The following ROBO2 variants were observed in gnomAD, a reference collection of about 807,000 sequenced individuals.
ROBO2 encodes roundabout guidance receptor 2, also known as roundabout homolog 2.
ROBO2 carries 53 observed loss-of-function variants against 160.8 expected under a neutral mutation model. The ratio of observed to expected loss-of-function variants is 0.33; its 90% CI spans 0.26 to 0.41. The LOEUF (loss-of-function observed/expected upper bound fraction) is 0.41. Among genes scored for constraint, ROBO2 ranks in the 10% least tolerant of loss-of-function variants. ROBO2 has a pLI of 1.00. For synonymous variants in ROBO2, 664 were observed against 611.7 expected (o/e 1.09, Z -1.26); for missense variants, 1,577 against 1,722.4 (o/e 0.92, Z 1.49).
intron 2 of ROBO2, among the ~76,000 whole-genome samples, chr3:77,310,456 T>G (rs2063450801): frequency 6.6e-6 from 1 of 152,170 alleles, no homozygotes; most frequent in African/African-American, 2.4e-5. Context: ...ATGGATCTAA[T>G]TCTGTTTGGA....
At chr3:77,095,632 T>G (rs1312070666) in intron 1 of ROBO2, among the ~76,000 whole-genome samples, 1 of 152,192 alleles carries the variant, frequency 6.6e-6, no homozygotes, top group East Asian at 1.9e-4. Context: ...GCCTGTTACA[T>G]GAAAAGTGAC....
At chr3:76,398,335 G>C (rs1370878021) in intron 2 of ROBO2, among the ~76,000 whole-genome samples, 2 of 149,882 alleles carry the variant, frequency 1.3e-5, no homozygotes, top group South Asian at 2.1e-4. Flanking sequence ...TGGGGTGGGG[G>C]GAGGAGGGAG....
chr3:77,370,290 T>C (rs4234495), intron 2 of ROBO2, among the ~76,000 whole-genome samples: 125,338 of 152,130 alleles, frequency 0.82, 51,866 homozygotes, highest in East Asian at 1. Context: ...CTACATTGCT[T>C]GAAACGGAAT....
chr3:77,291,075 C>A (rs570981384), intron 2 of ROBO2, among the ~76,000 whole-genome samples: 1 of 149,576 alleles, frequency 6.7e-6, no homozygotes, highest in African/African-American at 2.5e-5. Flanking sequence ...TCACCCCAGA[C>A]GTAAAGTAAA....
At chr3:76,900,944 T>C (rs1044711591) in intron 2 of ROBO2, among the ~76,000 whole-genome samples, 4 of 152,212 alleles carry the variant, frequency 2.6e-5, no homozygotes, top group African/African-American at 9.6e-5. Flanking sequence ...CACAATCTTG[T>C]GTTGTTTAGG....
At chr3:76,003,793 G>A (rs985398861) in intron 2 of ROBO2, among the ~76,000 whole-genome samples, 1 of 152,192 alleles carries the variant, frequency 6.6e-6, no homozygotes, top group African/African-American at 2.4e-5. Flanking sequence ...CACGGAGAAC[G>A]TGGAACCACT....
intron 2 of ROBO2, among the ~76,000 whole-genome samples, chr3:76,613,082 T>C (rs544645625): frequency 1.2e-4 from 18 of 152,190 alleles, no homozygotes; most frequent in Non-Finnish European, 2.2e-4. Context: ...CTTTTGATTC[T>C]AGAATTTAGT....
chr3:77,607,885 C>G, exon 21 of ROBO2: 1 of 1,613,886 alleles, frequency 6.2e-7, no homozygotes, highest in Non-Finnish European at 8.5e-7. Flanking sequence ...GTCCCTCTAC[C>G]TCCCCCCCCA....
intron 2 of ROBO2, among the ~76,000 whole-genome samples, chr3:77,341,246 C>A (rs147848486): frequency 6.6e-6 from 1 of 152,106 alleles, no homozygotes; most frequent in Non-Finnish European, 1.5e-5. Context: ...GTTAATTCCC[C>A]GAACCTCTTA....
At chr3:76,394,796 C>A (rs2077341777) in intron 2 of ROBO2, among the ~76,000 whole-genome samples, 1 of 152,050 alleles carries the variant, frequency 6.6e-6, no homozygotes, top group African/African-American at 2.4e-5. Flanking sequence ...TATATATGCA[C>A]CCAATACAGG....
chr3:77,176,867 C>T (rs1266589234), intron 2 of ROBO2, among the ~76,000 whole-genome samples: 1 of 151,800 alleles, frequency 6.6e-6, no homozygotes, highest in Admixed American at 6.6e-5. Context: ...AATACTGAGA[C>T]TGAACAAAGC....
intron 2 of ROBO2, among the ~76,000 whole-genome samples, chr3:77,128,533 A>G (rs1459039558): frequency 3.9e-5 from 6 of 152,120 alleles, no homozygotes; most frequent in Non-Finnish European, 8.8e-5. Context: ...AATTTTTTGC[A>G]CGTTTTTGTG....
In ROBO2 at chr3:76,603,240, G is replaced by A. The variant is rs545171714; in HGVS notation, c.110-494774G>A. The stretch of plus-strand genomic sequence containing the variant: ...CCAGCTACTCAGGAGGCTGAGGCAG[G>A]AGAATGGCGTGAACCCGGGAGGCAG... On this transcript the variant is annotated intron_variant, in intron 2 of 26. Coordinates refer to the ROBO2 transcript ENST00000487694. Among the ~76,000 whole-genome samples, 13 of 149,746 alleles carry A rather than the reference G, an allele frequency of 8.7e-5. 2 individuals carry two copies. The South Asian group carries it at 1.5e-3, about 17-fold the overall frequency.
intron 2 of ROBO2, among the ~76,000 whole-genome samples, chr3:76,307,132 G>C (rs1274286514): frequency 6.6e-6 from 1 of 152,188 alleles, no homozygotes; most frequent in Non-Finnish European, 1.5e-5. Context: ...GGCAGTTCCT[G>C]GAAGGGGACA....
intron 5 of ROBO2, among the ~76,000 whole-genome samples, chr3:77,513,890 T>C (rs1182367886): frequency 1.3e-5 from 2 of 151,664 alleles, no homozygotes; most frequent in Non-Finnish European, 2.9e-5. Flanking sequence ...AAATAAGGTA[T>C]CTCTATGGTG....
At chr3:76,764,037 C>T (rs1560519963) in intron 2 of ROBO2, among the ~76,000 whole-genome samples, 2 of 151,706 alleles carry the variant, frequency 1.3e-5, no homozygotes, top group East Asian at 2.0e-4. Context: ...AAAGAATCTT[C>T]GTTTTATACT....
In ROBO2 at chr3:77,183,733, A is replaced by G. The variant is rs1208759477; in HGVS notation, c.388+85393A>G. On this transcript the variant is annotated intron_variant, in intron 2 of 25. Coordinates refer to ENST00000461745, the Ensembl canonical transcript of ROBO2. The stretch of plus-strand genomic sequence containing the variant: ...TATTGTTTGTGTATTTCATCAGTTC[A>G]TTAGCATTGATGTTTTGTTCCAACT... Among the ~76,000 whole-genome samples the G allele has an allele frequency of 3.3e-5, 5 of 152,058 alleles. No homozygotes were observed. The South Asian group carries it at 6.2e-4, about 19-fold the overall frequency.
intron 2 of ROBO2, among the ~76,000 whole-genome samples, chr3:77,023,362 T>C (rs1027188234): frequency 6.6e-6 from 1 of 152,190 alleles, no homozygotes; most frequent in Non-Finnish European, 1.5e-5. Flanking sequence ...TATGTTTTTA[T>C]CAGCAGCATG....
chr3:76,264,319 G>C (rs1156543930), intron 2 of ROBO2, among the ~76,000 whole-genome samples: 1 of 136,112 alleles, frequency 7.3e-6, no homozygotes, highest in Non-Finnish European at 1.6e-5. Flanking sequence ...CAATATTTGG[G>C]TATTGTCTCT....
Sources: gnomAD v4.1 joint callset for allele counts (sites outside exome capture counted in the v4.1 genomes callset) on GRCh38, gnomAD v4.1.1 for gene constraint, MANE v1.5 for transcripts, NCBI Gene and HGNC (gene_info 2026-07-23, HGNC 2026-07-21) for gene names.